The following ITK variants were observed in gnomAD, a reference collection of about 807,000 sequenced individuals.
The protein encoded by ITK is tyrosine-protein kinase ITK/TSK.
Under a neutral mutation model 87.6 loss-of-function variants are expected in ITK, and 45 were observed. The observed-to-expected ratio is 0.51, with a 90% confidence interval of 0.40 to 0.66. The LOEUF is 0.66. ITK is among the 30% of genes least tolerant of loss of function. The probability of loss-of-function intolerance (pLI) is 0.00; values close to 1 mark genes in which losing one functional copy is unlikely to be tolerated. For missense variants in ITK, 605 were observed against 766.3 expected (o/e 0.79, Z 2.48); for synonymous variants, 303 against 273.6 (o/e 1.11, Z -1.06).
At chr5:157,233,135 G>C (rs1754693201) in intron 8 of ITK, among the ~76,000 whole-genome samples, 1 of 152,102 alleles carries the variant, frequency 6.6e-6, no homozygotes, top group South Asian at 2.1e-4. Context: ...CAACTCATTG[G>C]GTGACTTTGG....
At chr5:157,208,119 T>C (rs1754118566) in intron 1 of ITK, among the ~76,000 whole-genome samples, 1 of 152,190 alleles carries the variant, frequency 6.6e-6, no homozygotes, top group South Asian at 2.1e-4. Context: ...CTAACTATCT[T>C]TCCTTGGAGC....
intron 1 of ITK, chr5:157,195,622 G>A (rs1260433967): frequency 1.3e-5 from 2 of 152,202 alleles, no homozygotes; most frequent in Non-Finnish European, 2.9e-5. Flanking sequence ...AACCACGATA[G>A]TTAATTTCTT....
intron 1 of ITK, among the ~76,000 whole-genome samples, chr5:157,193,868 A>G (rs969179551): frequency 2.0e-5 from 3 of 151,148 alleles, no homozygotes; most frequent in African/African-American, 4.9e-5. Flanking sequence ...CATCATCAAC[A>G]GCAACAATTT....
intron 7 of ITK, among the ~76,000 whole-genome samples, chr5:157,229,771 G>A (rs749624827): frequency 4.6e-5 from 7 of 152,104 alleles, no homozygotes; most frequent in Non-Finnish European, 7.4e-5. Context: ...AGAATTATCC[G>A]GGTGTGATGG....
intron 1 of ITK, among the ~76,000 whole-genome samples, chr5:157,191,188 G>A (rs1753746967): frequency 1.3e-5 from 2 of 152,012 alleles, no homozygotes; most frequent in South Asian, 4.2e-4. Flanking sequence ...CACCCAGGCT[G>A]GAGTGCAGTG....
Position 157,237,945 on chromosome 5 carries a change from C to T in ITK, c.769-164C>T, listed in dbSNP as rs13361568. On this transcript the variant is annotated intron_variant, in intron 8 of 16. Transcript: ENST00000422843. ...CATGTAGGAGACCAAGAAATATCTACGGAAGGACAGGAGTAAATGAAACGG... is the reference window on the plus strand; with the variant it reads ...CATGTAGGAGACCAAGAAATATCTATGGAAGGACAGGAGTAAATGAAACGG... 0.14 allele frequency among the ~76,000 whole-genome samples: 21,238 copies of T among 152,200 alleles called. 1,690 individuals carry two copies. Among genetic ancestry groups the T allele is most frequent in the African/African-American group, 0.21 (8,553 of 41,502 alleles).
In ITK at chr5:157,181,013, C is replaced by G. The variant is rs751083005; in HGVS notation, c.36C>G (p.Ile12Met). 1 of 1,613,910 alleles carries G rather than the reference C, an allele frequency of 6.2e-7. No individual in the cohort carries two copies. The highest frequency in any genetic ancestry group is 8.5e-7 in the Non-Finnish European group (1 of 1,179,802). The change falls in exon 1 of 17, where the codon ATC becomes ATG. Residue 12 changes from isoleucine (I) to methionine (M), a missense_variant. Physicochemically the swap from Ile to Met is conservative, Grantham distance 10. Coordinates refer to ENST00000422843, the MANE Select transcript of ITK (RefSeq NM_005546.4). ...NNFILLEEQL[I>M]KKSQQKRRTS... ...TTATCCTCCTGGAAGAACAGCTCAT[C>G]AAGAAATCCCAACAAAAGAGAAGAA...
intron 7 of ITK, among the ~76,000 whole-genome samples, chr5:157,231,915 C>A (rs1052461597): frequency 6.6e-5 from 10 of 152,176 alleles, no homozygotes; most frequent in African/African-American, 2.2e-4. Flanking sequence ...TGCACTAGCA[C>A]CCTCCTCCTT....
chr5:157,206,267 C>T (rs1754078360), intron 1 of ITK, among the ~76,000 whole-genome samples: 1 of 151,984 alleles, frequency 6.6e-6, no homozygotes, highest in African/African-American at 2.4e-5. Context: ...ATTAGCTTTT[C>T]GATGTGCTGC....
At position 157,181,116 on chromosome 5, in the gene ITK, G is replaced by T. The variant is rs1005569262; in HGVS notation, c.138+1G>T. On this transcript the variant is annotated splice_donor_variant, in intron 1 of 16. Transcript: ENST00000422843. LOFTEE classifies it high-confidence loss of function. The stretch of plus-strand genomic sequence containing the variant: ...GGCATACTTTGAAGATCGTCATGGG[G>T]TATGTGAGCAGTTTCATTTGTCTTT... The T allele has an allele frequency of 6.2e-7, 1 of 1,613,920 alleles. No homozygotes were observed. The highest frequency in any genetic ancestry group is 8.5e-7 in the Non-Finnish European group (1 of 1,179,892).
chr5:157,244,159 T>C, intron 12 of ITK, 103 bp from the exon 13 acceptor site: 1 of 966,834 alleles, frequency 1.0e-6, no homozygotes, highest in South Asian at 1.3e-5. Context: ...ATCCAAACCA[T>C]AAATTAGACA....
At chr5:157,189,774 T>C (rs1226959494) in intron 1 of ITK, among the ~76,000 whole-genome samples, 2 of 152,250 alleles carry the variant, frequency 1.3e-5, no homozygotes, top group East Asian at 3.8e-4. Context: ...GTGGAAATCG[T>C]GTCTACAAAA....
chr5:157,215,509 C>A (rs1754281050), intron 4 of ITK, among the ~76,000 whole-genome samples: 1 of 152,196 alleles, frequency 6.6e-6, no homozygotes, highest in South Asian at 2.1e-4. Flanking sequence ...GGTAACTATT[C>A]AAGTGATCCT....
At chr5:157,186,640 C>T (rs1359887292) in intron 1 of ITK, among the ~76,000 whole-genome samples, 3 of 151,812 alleles carry the variant, frequency 2.0e-5, no homozygotes, top group Admixed American at 6.6e-5. Flanking sequence ...TGTGCGATTG[C>T]ACTCCAGCCT....
At chr5:157,215,628 A>G (rs1284242095) in intron 4 of ITK, among the ~76,000 whole-genome samples, 2 of 152,228 alleles carry the variant, frequency 1.3e-5, no homozygotes, top group East Asian at 1.9e-4. Context: ...GCATGGGCTT[A>G]CCTCTGTGAG....
intron 9 of ITK, 73 bp from the exon 10 acceptor site, chr5:157,239,989 A>T: frequency 7.0e-7 from 1 of 1,429,706 alleles, no homozygotes; most frequent in Non-Finnish European, 9.8e-7. Flanking sequence ...ATAAGAACTT[A>T]ATACTCGTAG....
intron 1 of ITK, among the ~76,000 whole-genome samples, chr5:157,189,504 AC>A (rs1217442608): frequency 1.3e-5 from 2 of 152,196 alleles, no homozygotes; most frequent in Non-Finnish European, 2.9e-5. Context: ...ACATGGCGAA[AC>A]CCTATCTCTA....
chr5:157,239,153 C>T (rs6895925), intron 9 of ITK, among the ~76,000 whole-genome samples: 62,240 of 151,852 alleles, frequency 0.41, 12,890 homozygotes, highest in East Asian at 0.57. Context: ...TGTGTCGAGG[C>T]TCCCCACAAC....
Position 157,186,739 on chromosome 5 carries a change from T to A in ITK, c.138+5624T>A, listed in dbSNP as rs537570735. ...TGGCAAGCTTTGCCTCCTAAAGTTC[T>A]CCTAGAATCTCCCCAGATTCCCACA... On this transcript the variant is annotated intron_variant, in intron 1 of 16. Transcript: ENST00000422843. Among the ~76,000 whole-genome samples, 7 of 152,144 alleles carry A rather than the reference T, an allele frequency of 4.6e-5. No individual in the cohort carries two copies. In the East Asian group the frequency reaches 1.4e-3, roughly 29 times the overall value.
Sources: allele counts gnomAD v4.1 joint callset (sites outside exome capture counted in the v4.1 genomes callset), GRCh38; gene constraint gnomAD v4.1.1; transcripts MANE v1.5; gene names NCBI Gene and HGNC (gene_info 2026-07-23, HGNC 2026-07-21).